Variants in AMOT observed in about 807,000 individuals in gnomAD.
AMOT encodes the protein angiomotin.
AMOT carries 11 observed loss-of-function variants against 67.0 expected under a neutral mutation model. That is an observed-to-expected ratio of 0.16 (90% CI 0.10 to 0.27). The LOEUF is 0.27. Ranked by LOEUF, AMOT falls within the 10% of genes least tolerant of loss-of-function variation. The probability of loss-of-function intolerance (pLI) is 1.00; values close to 1 mark genes in which losing one functional copy is unlikely to be tolerated. For missense variants in AMOT, 753 were observed against 852.0 expected (o/e 0.88, Z 1.45); for synonymous variants, 326 against 321.4 (o/e 1.01, Z -0.15).
At chrX:112,782,206 C>G (rs1308360805) in intron 11 of AMOT, among the ~76,000 whole-genome samples, 1 of 112,001 alleles carries the variant, frequency 8.9e-6, no homozygotes, top group East Asian at 2.8e-4. Flanking sequence ...TGTTCTTTTA[C>G]TCTTTTATTA....
intron 8 of AMOT, among the ~76,000 whole-genome samples, chrX:112,804,008 T>C (rs1934092824): frequency 8.9e-6 from 1 of 111,748 alleles, no homozygotes; most frequent in South Asian, 3.8e-4. Context: ...TAAGAGTTAG[T>C]AGTCCAGTGC....
At position 112,815,692 on chromosome X, in the gene AMOT, T is replaced by C; in HGVS notation, c.1058A>G (p.Gln353Arg). 1 of 1,170,338 alleles carries C rather than the reference T, an allele frequency of 8.5e-7. No individual in the cohort carries two copies. Among genetic ancestry groups the C allele is most frequent in the Non-Finnish European group, 1.1e-6 (1 of 874,723 alleles). ...GDHSAHLPRPQQHFLPNQAHQ... is the reference protein window; with the variant it reads ...GDHSAHLPRPRQHFLPNQAHQ... The stretch of plus-strand genomic sequence containing the variant: ...AGCCTGATTAGGAAGGAAATGCTGC[T>C]GCGGCCTAGGCAGGTGAGCTGAATG... Residue 353 changes from glutamine (Q) to arginine (R), a missense_variant, in exon 5 of 14, where the codon CAG becomes CGG. This residue lies in a region of AMOT where 297 missense variants were observed against 284.3 expected (regional missense o/e 1.04). Transcript: ENST00000371959.
intron 10 of AMOT, among the ~76,000 whole-genome samples, chrX:112,783,578 C>T (rs1343207217): frequency 9.0e-6 from 1 of 111,313 alleles, no homozygotes; most frequent in East Asian, 2.8e-4. Context: ...AATGGGTCTA[C>T]CCCAACAAAG....
At chrX:112,782,135 C>T (rs1422477768) in intron 11 of AMOT, among the ~76,000 whole-genome samples, 5 of 112,004 alleles carry the variant, frequency 4.5e-5, no homozygotes, top group East Asian at 5.6e-4. Flanking sequence ...GTGATCCGCC[C>T]GCCTTGGCCT....
At chrX:112,812,850 C>T (rs1337724677) in intron 5 of AMOT, among the ~76,000 whole-genome samples, 1 of 111,981 alleles carries the variant, frequency 8.9e-6, no homozygotes, top group Non-Finnish European at 1.9e-5. Context: ...AAAATTCTGC[C>T]AGAGACAGGA....
chrX:112,778,923 T>A (rs968803867), intron 13 of AMOT, 74 bp downstream of exon 13: 4 of 1,022,310 alleles, frequency 3.9e-6, no homozygotes, highest in Non-Finnish European at 4.0e-6. Context: ...TGCCCAGACA[T>A]CAGACAACAA....
At position 112,797,555 on chromosome X, in the gene AMOT, T is replaced by G. The variant is rs866761750; in HGVS notation, c.1777-5574A>C. Among the ~76,000 whole-genome samples the G allele has an allele frequency of 1.5e-4, 17 of 109,873 alleles. No homozygotes were observed. The South Asian group carries it at 6.2e-3, about 40-fold the overall frequency. ...CAGCACTTTGGGAGGCTGAGGCGGG[T>G]GGATTACTTGAGGTCAGGCATTCGG... On this transcript the variant is annotated intron_variant, in intron 8 of 13. Transcript: ENST00000371959.
At chrX:112,821,445 A>G (rs903466528) in intron 4 of AMOT, among the ~76,000 whole-genome samples, 3 of 112,135 alleles carry the variant, frequency 2.7e-5, no homozygotes, top group Non-Finnish European at 3.8e-5. Flanking sequence ...TCATAGAATC[A>G]TAAGGTCTAG....
rs148609725 is a variant in AMOT, at chrX:112,779,197, G to A, written c.2957C>T (p.Pro986Leu). Residue 986 changes from proline to leucine, a missense_variant, in exon 13 of 14, where the codon CCG becomes CTG. Physicochemically the swap from Pro to Leu is moderately conservative, Grantham distance 98. Coordinates refer to ENST00000371959, the MANE Select transcript of AMOT (RefSeq NM_001113490.2). ...PAPVPAPALV[P>L]VPAPAAAQAS... ...CTGAGCCGCTGCTGGAGCTGGAACCGGAACCAGAGCCGGAGCTGGAACTGG... is the reference window on the plus strand; with the variant it reads ...CTGAGCCGCTGCTGGAGCTGGAACCAGAACCAGAGCCGGAGCTGGAACTGG... The A allele has an allele frequency of 1.7e-3, 1,282 of 768,126 alleles. 4 individuals carry two copies. Among genetic ancestry groups the A allele is most frequent in the Non-Finnish European group, 2.3e-3 (1,126 of 492,135 alleles). The allele number at this position is 768,126 out of a possible 1,213,427, so 63.3% of individuals were successfully genotyped here. A position where few individuals can be genotyped will look rare whatever the true frequency, so the allele number is the denominator to read the frequency against.
At position 112,822,832 on chromosome X, in the gene AMOT, G is replaced by A; in HGVS notation, c.295C>T (p.Arg99Ter). Residue 99 changes from arginine (R) to a stop codon, truncating the protein, a stop_gained, in exon 4 of 14, where the codon CGA becomes TGA. Transcript: ENST00000371959. LOFTEE classifies it high-confidence loss of function. ...GGGAGTTCTTCATTATTTTGCATTC[G>A]AGGAGACAGCTGCTTCTCCATGATG... ...NLIMEKQLSP[R>*]MQNNEELPTY... The A allele has an allele frequency of 8.6e-7, 1 of 1,167,489 alleles. No individual in the cohort carries two copies. The highest frequency in any genetic ancestry group is 1.1e-6 in the Non-Finnish European group (1 of 872,964).
intron 11 of AMOT, 120 bp downstream of exon 11, chrX:112,782,420 G>A (rs1228041237): frequency 1.0e-6 from 1 of 959,792 alleles, no homozygotes; most frequent in African/African-American, 1.9e-5. Flanking sequence ...GTGACAGGCT[G>A]GCAGGGGTGA....
chrX:112,815,586 G>C lies in AMOT; in HGVS notation c.1164C>G (p.His388Gln). The C allele has an allele frequency of 2.5e-6, 3 of 1,209,844 alleles. No individual in the cohort carries two copies. The South Asian group carries it at 5.3e-5, about 21-fold the overall frequency. Residue 388 changes from histidine (H) to glutamine (Q), a missense_variant, in exon 5 of 14, where the codon CAC (histidine) becomes CAG (glutamine). Physicochemically the swap from His to Gln is conservative, Grantham distance 24 (BLOSUM62 0). Around this residue, in one of 5 missense-constraint regions of AMOT, gnomAD observed 297 missense variants for 284.3 expected, o/e 1.04. Coordinates refer to ENST00000371959, the MANE Select transcript of AMOT (RefSeq NM_001113490.2). ...QQQQQQQHHH[H>Q]HHHQQQQQQQ... ...GCTGCTGCTGTTGTTGGTGGTGATG[G>C]TGATGATGGTGCTGCTGCTGCTGTT...
At chrX:112,837,669 C>T (rs1031339574) in intron 1 of AMOT, among the ~76,000 whole-genome samples, 2 of 110,985 alleles carry the variant, frequency 1.8e-5, no homozygotes, top group African/African-American at 3.3e-5. Flanking sequence ...AAATTCTAAC[C>T]TTTGACTTGG....
intron 7 of AMOT, among the ~76,000 whole-genome samples, chrX:112,807,361 C>A (rs1239703356): frequency 1.8e-5 from 2 of 110,078 alleles, no homozygotes; most frequent in Non-Finnish European, 3.8e-5. Context: ...GCCTTTTACC[C>A]CATACATCAG....
At position 112,779,270 on chromosome X, in the gene AMOT, A is replaced by C. The variant is rs200613321; in HGVS notation, c.2884T>G (p.Ser962Ala). The C allele has an allele frequency of 8.9e-5, 57 of 637,562 alleles. No homozygotes were observed. The highest frequency in any genetic ancestry group is 1.5e-4 in the Admixed American group (6 of 39,191). The allele number at this position is 637,562 out of a possible 1,213,427, so 52.5% of individuals were successfully genotyped here. A position where few individuals can be genotyped will look rare whatever the true frequency, so the allele number is the denominator to read the frequency against. Reference sequence around the variant, plus strand: ...TGAACAGCAGCAGCAGCAGCAGCAGAAGGAGCAACGGCAGCAGCTGAGGCA... The same window carrying C: ...TGAACAGCAGCAGCAGCAGCAGCAGCAGGAGCAACGGCAGCAGCTGAGGCA... Reference protein sequence around the residue: ...SVASAAAVAPSAAAAAAVQVA... With the variant: ...SVASAAAVAPAAAAAAAVQVA... The change falls in exon 13 of 14, where the codon TCT becomes GCT. Residue 962 changes from serine (S) to alanine (A), a missense_variant. This residue lies in a region of AMOT where 269 missense variants were observed against 300.9 expected (regional missense o/e 0.89). Coordinates refer to ENST00000371959, the MANE Select transcript of AMOT (RefSeq NM_001113490.2).
chrX:112,828,575 A>G (rs1407104645), intron 2 of AMOT, among the ~76,000 whole-genome samples: 1 of 109,870 alleles, frequency 9.1e-6, no homozygotes, highest in African/African-American at 3.3e-5. Flanking sequence ...ACAAAAACAA[A>G]AAAACTTTAT....
In AMOT at chrX:112,811,540, A is replaced by G. The variant is rs1826016575; in HGVS notation, c.1393-147T>C. 5.3e-6 allele frequency: 3 copies of G among 568,238 alleles called. No homozygotes were observed. The Admixed American group carries it at 1.1e-4, about 20-fold the overall frequency. The allele number at this position is 568,238 out of a possible 1,213,427, so 46.8% of individuals were successfully genotyped here. On this transcript the variant is annotated intron_variant, in intron 5 of 13. Coordinates refer to ENST00000371959, the MANE Select transcript of AMOT (RefSeq NM_001113490.2). Reference sequence around the variant, plus strand: ...AAGCATAACACAGTCAGATGACACAAGTTTCAAGAAAGGATCTCCACCTTC... The same window carrying G: ...AAGCATAACACAGTCAGATGACACAGGTTTCAAGAAAGGATCTCCACCTTC...
At chrX:112,824,895 C>T (rs926969766) in intron 3 of AMOT, among the ~76,000 whole-genome samples, 177 bp downstream of exon 3, 3 of 111,104 alleles carry the variant, frequency 2.7e-5, no homozygotes, top group Admixed American at 9.6e-5. Flanking sequence ...AAGTGATTTA[C>T]AAACCCTCCC....
intron 8 of AMOT, among the ~76,000 whole-genome samples, chrX:112,800,248 A>G (rs1341621609): frequency 1.8e-5 from 2 of 111,240 alleles, no homozygotes; most frequent in Admixed American, 1.9e-4. Context: ...AAATAAATAA[A>G]TAAATAAAAA....
Sources: gnomAD v4.1 joint callset for allele counts (sites outside exome capture counted in the v4.1 genomes callset) on GRCh38, gnomAD v4.1.1 for gene constraint, gnomAD v4.1.1 regional missense constraint, MANE v1.5 for transcripts, NCBI Gene and HGNC (gene_info 2026-07-23, HGNC 2026-07-21) for gene names.